The following ACSS3 variants were observed in gnomAD, a reference collection of about 807,000 sequenced individuals.
ACSS3 encodes the protein acyl-CoA synthetase short chain family member 3.
A neutral mutation model predicts 84.2 loss-of-function variants in ACSS3; 64 were observed. That is an observed-to-expected ratio of 0.76 (90% CI 0.62 to 0.94). The LOEUF is 0.94. Ranked by LOEUF, ACSS3 falls within the 40% of genes least tolerant of loss-of-function variation. The pLI is 0.00. For missense variants in ACSS3, 815 were observed against 867.6 expected, an observed-to-expected ratio of 0.94 and a Z score of 0.76; for synonymous variants, 317 against 310.1, an observed-to-expected ratio of 1.02 and a Z score of -0.23.
chr12:81,135,323 AT>A (rs1885734531), intron 3 of ACSS3, among the ~76,000 whole-genome samples: 1 of 144,374 alleles, frequency 6.9e-6, no homozygotes, highest in South Asian at 2.1e-4. Flanking sequence ...CACATTATAT[AT>A]TATATATTAT....
chr12:81,238,013 G>A (rs565367666), intron 13 of ACSS3, among the ~76,000 whole-genome samples: 3 of 151,802 alleles, frequency 2.0e-5, no homozygotes, highest in Admixed American at 1.3e-4. Context: ...GGTTCATCAC[G>A]AAATTGTGGA....
In ACSS3 at chr12:81,137,321, T is replaced by TCACACA. The variant is rs57701806; in HGVS notation, c.646-1772_646-1767dup. Among the ~76,000 whole-genome samples, 811 of 141,802 alleles carry TCACACA rather than the reference T, an allele frequency of 5.7e-3. 4 individuals are homozygous for TCACACA. Among genetic ancestry groups the TCACACA allele is most frequent in the East Asian group, 0.017 (83 of 4,760 alleles). 93.0% of individuals were successfully genotyped at this position (141,802 alleles called of 152,430 possible). On this transcript the variant is annotated intron_variant, in intron 3 of 15. Coordinates refer to ENST00000548058, the MANE Select transcript of ACSS3 (RefSeq NM_024560.4). ...GTACCACTTAAGGAATTTTCATCCA[T>TCACACA]CACACACACACACACACACACACAC... is the stretch of plus-strand genomic sequence containing the variant.
At chr12:81,190,211 T>C (rs1461533064) in intron 8 of ACSS3, among the ~76,000 whole-genome samples, 7 of 151,864 alleles carry the variant, frequency 4.6e-5, no homozygotes, top group Non-Finnish European at 7.4e-5. Context: ...AACATAGAGA[T>C]AGAGAGAGAG....
intron 3 of ACSS3, among the ~76,000 whole-genome samples, 187 bp from the exon 4 acceptor site, chr12:81,138,944 T>G (rs1885946826): frequency 6.6e-6 from 1 of 152,158 alleles, no homozygotes. Context: ...TAAGTGAGAT[T>G]TGTGTAGAAG....
At position 81,257,879 on chromosome 12, in the gene ACSS3, T is replaced by A. The variant is rs1297042467; in HGVS notation, c.*2957T>A. ...TACCTGGATCTTTTGCATCACTATA[T>A]GTTAGTGTCTATTATAGATGATTAA... On this transcript the variant is annotated 3_prime_UTR_variant, in exon 16 of 16. Transcript: ENST00000548058. 2 of 152,184 alleles carry A rather than the reference T, an allele frequency of 1.3e-5. No individual in the cohort carries two copies. 9.4% of individuals were successfully genotyped at this position (152,184 alleles called of 1,614,324 possible).
intron 9 of ACSS3, among the ~76,000 whole-genome samples, chr12:81,203,424 C>T (rs1194350408): frequency 6.6e-6 from 1 of 152,174 alleles, no homozygotes; most frequent in Admixed American, 6.5e-5. Context: ...GTCAAGTTGA[C>T]ACCTAAAATT....
chr12:81,127,712 A>G (rs1885200532), intron 2 of ACSS3, among the ~76,000 whole-genome samples: 1 of 152,096 alleles, frequency 6.6e-6, no homozygotes. Flanking sequence ...GCTTTTTCAT[A>G]CAGTTTTCTT....
intron 7 of ACSS3, among the ~76,000 whole-genome samples, chr12:81,163,216 C>G (rs1040592642): frequency 1.3e-5 from 2 of 152,120 alleles, no homozygotes; most frequent in South Asian, 4.1e-4. Context: ...GTAGTTCAAA[C>G]GTTTCAAAAA....
chr12:81,118,160 A>G (rs770123248), intron 2 of ACSS3: 6 of 152,132 alleles, frequency 3.9e-5, no homozygotes, highest in Non-Finnish European at 7.4e-5. Context: ...TTAATAACTG[A>G]TACACTATCC....
intron 8 of ACSS3, among the ~76,000 whole-genome samples, chr12:81,177,949 C>A (rs1055489545): frequency 6.6e-6 from 1 of 152,134 alleles, no homozygotes; most frequent in Admixed American, 6.5e-5. Flanking sequence ...TTTGACCCAG[C>A]CATCCCATTA....
At chr12:81,207,996 T>G (rs946812944) in intron 9 of ACSS3, among the ~76,000 whole-genome samples, 1 of 152,106 alleles carries the variant, frequency 6.6e-6, no homozygotes, top group African/African-American at 2.4e-5. Context: ...AATTAACTAT[T>G]TTAAACTAAA....
Position 81,092,290 on chromosome 12 carries a change from T to A in ACSS3, c.311+13859T>A, listed in dbSNP as rs143245237. Among the ~76,000 whole-genome samples, 661 of 152,218 alleles carry A rather than the reference T, an allele frequency of 4.3e-3. 7 individuals are homozygous for A. The highest frequency in any genetic ancestry group is 0.015 in the African/African-American group (643 of 41,568). ...GATGAGAGTCCAGATAGAGTTTAAC[T>A]CTAAAAAACAATGTTACACATCAAG... On this transcript the variant is annotated intron_variant, in intron 1 of 15. Transcript: ENST00000548058.
chr12:81,238,791 G>A (rs998780008), intron 13 of ACSS3, among the ~76,000 whole-genome samples: 1 of 148,994 alleles, frequency 6.7e-6, no homozygotes, highest in African/African-American at 2.5e-5. Context: ...TGATTTTATT[G>A]ATATTTTAAA....
intron 3 of ACSS3, among the ~76,000 whole-genome samples, chr12:81,137,300 C>A (rs987285061): frequency 6.7e-6 from 1 of 148,656 alleles, no homozygotes; most frequent in African/African-American, 2.5e-5. Context: ...TATGGTGTAC[C>A]ACTTAAGGAA....
At chr12:81,084,715 A>G (rs1881205583) in intron 1 of ACSS3, among the ~76,000 whole-genome samples, 1 of 152,188 alleles carries the variant, frequency 6.6e-6, no homozygotes, top group South Asian at 2.1e-4. Flanking sequence ...AGAAAGAGGA[A>G]AAGAAAGAGC....
intron 1 of ACSS3, among the ~76,000 whole-genome samples, chr12:81,086,111 A>G (rs1881294051): frequency 6.6e-6 from 1 of 152,158 alleles, no homozygotes; most frequent in South Asian, 2.1e-4. Flanking sequence ...TGGGAAATTC[A>G]GTATTTGTCA....
chr12:81,143,321 G>A, intron 5 of ACSS3, 74 bp downstream of exon 5: 1 of 1,361,186 alleles, frequency 7.3e-7, no homozygotes, highest in Non-Finnish European at 9.8e-7. Context: ...ATCACTGACT[G>A]GAAATGTTTG....
chr12:81,146,575 T>C (rs1886352399), intron 5 of ACSS3, among the ~76,000 whole-genome samples: 1 of 152,212 alleles, frequency 6.6e-6, no homozygotes, highest in Admixed American at 6.5e-5. Flanking sequence ...TAAAGCATAT[T>C]TGCATATCAG....
intron 8 of ACSS3, among the ~76,000 whole-genome samples, chr12:81,192,727 C>T (rs545067942): frequency 1.6e-4 from 24 of 152,290 alleles, no homozygotes; most frequent in African/African-American, 3.1e-4. Context: ...TTAGTTTCAA[C>T]GCCTGTCAGT....
Sources: allele counts gnomAD v4.1 joint callset (sites outside exome capture counted in the v4.1 genomes callset), GRCh38; gene constraint gnomAD v4.1.1; transcripts MANE v1.5; gene names NCBI Gene and HGNC (gene_info 2026-07-23, HGNC 2026-07-21).